The following OSBPL3 variants were observed in gnomAD, a reference collection of about 807,000 sequenced individuals.
OSBPL3 encodes oxysterol binding protein like 3.
A neutral mutation model predicts 120.1 loss-of-function variants in OSBPL3; 65 were observed. That is an observed-to-expected ratio of 0.54 (90% CI 0.44 to 0.67). The LOEUF is 0.67. Ranked by LOEUF, OSBPL3 falls within the 30% of genes least tolerant of loss-of-function variation. The pLI, the probability that OSBPL3 is intolerant of heterozygous loss-of-function variation, is 0.00. For synonymous variants in OSBPL3, 416 were observed against 402.6 expected (o/e 1.03, Z -0.40); for missense variants, 1,004 against 1,082.1 (o/e 0.93, Z 1.01).
At position 24,824,483 on chromosome 7, in the gene OSBPL3, C is replaced by T. The variant is rs1433159108; in HGVS notation, c.1885-4245G>A. Among the ~76,000 whole-genome samples the T allele has an allele frequency of 6.6e-6, 1 of 152,138 alleles. No individual in the cohort carries two copies. The highest frequency in any genetic ancestry group is 2.4e-5 in the African/African-American group (1 of 41,422). ...GCAACTGCTCCAAGGCATAACTATC[C>T]AGTCCTCCTAGGTCCTGATTTCCCT... On this transcript the variant is annotated intron_variant, in intron 16 of 22. Transcript: ENST00000313367. The surrounding 1 kb of genome is among the most constrained non-coding windows in gnomAD (Gnocchi z 4.9).
intron 2 of OSBPL3, among the ~76,000 whole-genome samples, chr7:24,884,560 C>A (rs1291683830): frequency 6.6e-6 from 1 of 152,276 alleles, no homozygotes; most frequent in South Asian, 2.1e-4. Context: ...ACCCACCTCC[C>A]AGCTGAAAAG....
chr7:24,807,323 T>C (rs1793180665), intron 20 of OSBPL3, among the ~76,000 whole-genome samples: 1 of 151,822 alleles, frequency 6.6e-6, no homozygotes, highest in Non-Finnish European at 1.5e-5. Flanking sequence ...CGAAACACCA[T>C]CTCTACTAAA....
At chr7:24,924,429 G>GT (rs751212833) in intron 1 of OSBPL3, among the ~76,000 whole-genome samples, 36 of 152,168 alleles carry the variant, frequency 2.4e-4, no homozygotes, top group Non-Finnish European at 4.9e-4. Context: ...CGAAAAAGTA[G>GT]TAAGAGTCTA....
At chr7:24,829,296 T>C (rs904282601) in intron 16 of OSBPL3, among the ~76,000 whole-genome samples, 2 of 152,240 alleles carry the variant, frequency 1.3e-5, no homozygotes, top group African/African-American at 4.8e-5. Flanking sequence ...CAGATTATCT[T>C]ATCCCCTTTA....
At position 24,867,033 on chromosome 7, in the gene OSBPL3, C is replaced by T. The variant is rs1801423359; in HGVS notation, c.382-796G>A. 1.3e-5 allele frequency among the ~76,000 whole-genome samples: 2 copies of T among 152,196 alleles called. No homozygotes were observed. The highest frequency in any genetic ancestry group is 1.3e-4 in the Admixed American group (2 of 15,280). On this transcript the variant is annotated intron_variant, in intron 5 of 22. Transcript: ENST00000313367. The surrounding 1 kb of genome is among the most constrained non-coding windows in gnomAD (Gnocchi z 4.5). Reference sequence around the variant, plus strand: ...GCCAGGCTGGTCTCGAACTCCTGACCTGGTGATCTGCCCGCCTCGGCCTCC... The same window carrying T: ...GCCAGGCTGGTCTCGAACTCCTGACTTGGTGATCTGCCCGCCTCGGCCTCC...
At chr7:24,801,232 A>G (rs1792301480) in intron 22 of OSBPL3, among the ~76,000 whole-genome samples, 1 of 135,140 alleles carries the variant, frequency 7.4e-6, no homozygotes. Context: ...AGACAGAGCA[A>G]GACTCCTTCT....
At position 24,871,707 on chromosome 7, in the gene OSBPL3, C is replaced by T; in HGVS notation, c.267+35G>A. 10 of 1,540,872 alleles carry T rather than the reference C, an allele frequency of 6.5e-6. No homozygotes were observed. The highest frequency in any genetic ancestry group is 9.0e-6 in the Non-Finnish European group (10 of 1,114,714). ...AGCTGATGGTTACCCCTTTAGGATT[C>T]TTCAATACCACAGTGGGCCCACAAA... On this transcript the variant is annotated intron_variant, in intron 4 of 22. Transcript: ENST00000313367. This position sits in a 1 kb window ranked among gnomAD's most constrained non-coding sequence, Gnocchi z 4.8.
At position 24,815,145 on chromosome 7, in the gene OSBPL3, C is replaced by T. The variant is rs200402672; in HGVS notation, c.2086G>A (p.Gly696Arg). The T allele has an allele frequency of 1.7e-4, 275 of 1,612,632 alleles. No individual in the cohort carries two copies. Among genetic ancestry groups the T allele is most frequent in the Admixed American group, 2.2e-4 (13 of 59,988 alleles). Residue 696 changes from glycine to arginine, a missense_variant, in exon 19 of 23, where the codon GGG becomes AGG. Gly to Arg is a moderately radical substitution (Grantham distance 125). This residue lies in a region of OSBPL3 where 473 missense variants were observed against 568.0 expected (regional missense o/e 0.83). Coordinates refer to ENST00000313367, the MANE Select transcript of OSBPL3 (RefSeq NM_015550.4). This position sits in a 1 kb window ranked among gnomAD's most constrained non-coding sequence, Gnocchi z 5.1. ...VTSCIHNILS[G>R]QRWIEHYGEI... ...CCATAGTGCTCAATCCACCTCTGCC[C>T]GCTTAAGATGTTATGGATGCAAGAG... is the stretch of plus-strand genomic sequence containing the variant.
In OSBPL3 at chr7:24,820,926, T is replaced by C. The variant is rs1054114250; in HGVS notation, c.1885-688A>G. On this transcript the variant is annotated intron_variant, in intron 16 of 22. Transcript: ENST00000313367. The surrounding 1 kb of genome is among the most constrained non-coding windows in gnomAD (Gnocchi z 4.6). Reference sequence around the variant, plus strand: ...TATCTTAAGCAAATAAGTAATCTCATTCCAGAAAAGAGAATCCCCTGGAGC... The same window carrying C: ...TATCTTAAGCAAATAAGTAATCTCACTCCAGAAAAGAGAATCCCCTGGAGC... 5.9e-5 allele frequency among the ~76,000 whole-genome samples: 9 copies of C among 152,226 alleles called. No individual in the cohort carries two copies. Among genetic ancestry groups the C allele is most frequent in the African/African-American group, 2.2e-4 (9 of 41,462 alleles).
In OSBPL3 at chr7:24,818,681, A is replaced by C. The variant is rs2128136056; in HGVS notation, c.1948+1494T>G. Reference sequence around the variant, plus strand: ...CGGAGAACAAAGAACAGATGTGACAAACAGAAAAGAAACATCATGAGGGCA... The same window carrying C: ...CGGAGAACAAAGAACAGATGTGACACACAGAAAAGAAACATCATGAGGGCA... On this transcript the variant is annotated intron_variant, in intron 17 of 22. Coordinates refer to ENST00000313367, the MANE Select transcript of OSBPL3 (RefSeq NM_015550.4). This position sits in a 1 kb window ranked among gnomAD's most constrained non-coding sequence, Gnocchi z 4.0. Among the ~76,000 whole-genome samples, 1 of 152,338 alleles carries C rather than the reference A, an allele frequency of 6.6e-6. No homozygotes were observed. The highest frequency in any genetic ancestry group is 2.4e-5 in the African/African-American group (1 of 41,580).
chr7:24,943,899 T>C (rs1813387648), intron 1 of OSBPL3, among the ~76,000 whole-genome samples: 1 of 152,156 alleles, frequency 6.6e-6, no homozygotes, highest in Non-Finnish European at 1.5e-5. Flanking sequence ...AGTCAATTTG[T>C]GAAATTTACT....
At chr7:24,917,432 AAC>A (rs1434329775) in intron 1 of OSBPL3, among the ~76,000 whole-genome samples, 2 of 124,090 alleles carry the variant, frequency 1.6e-5, no homozygotes, top group Admixed American at 8.2e-5. Flanking sequence ...ATATATTTGT[AAC>A]ATATATATAT....
Position 24,863,519 on chromosome 7 carries a change from C to T in OSBPL3, c.754G>A (p.Ala252Thr). The stretch of plus-strand genomic sequence containing the variant: ...ACCTGGATGGCGTTGATAGCTGGTG[C>T]CGAGTATGTCCGATGCAGGACGTCC... ...SMDVLHRTYS[A>T]PAINAIQGGS... The change falls in exon 8 of 23, where the codon GCA (alanine) becomes ACA (threonine). Residue 252 changes from alanine to threonine, a missense_variant. By Grantham distance (58) the Ala-to-Thr change is moderately conservative. Coordinates refer to ENST00000313367, the MANE Select transcript of OSBPL3 (RefSeq NM_015550.4). This position sits in a 1 kb window ranked among gnomAD's most constrained non-coding sequence, Gnocchi z 5.8. 1.2e-6 allele frequency: 2 copies of T among 1,613,824 alleles called. No individual in the cohort carries two copies. The highest frequency in any genetic ancestry group is 1.7e-6 in the Non-Finnish European group (2 of 1,179,756).
intron 1 of OSBPL3, among the ~76,000 whole-genome samples, chr7:24,907,399 G>C (rs1002107769): frequency 6.6e-6 from 1 of 152,228 alleles, no homozygotes; most frequent in Non-Finnish European, 1.5e-5. Flanking sequence ...GCTTCGTCAT[G>C]TGAAAGCAGG....
chr7:24,818,225 CTG>C lies in OSBPL3; in HGVS notation c.1949-1539_1949-1538del, dbSNP rs1794707029. Among the ~76,000 whole-genome samples, 1 of 152,236 alleles carries C rather than the reference CTG, an allele frequency of 6.6e-6. No individual in the cohort carries two copies. Among genetic ancestry groups the C allele is most frequent in the East Asian group, 1.9e-4 (1 of 5,188 alleles). ...AGTGATGAAAATGTTCTAAAATTAA[CTG>C]TGCTGATAACTGCACAGTTTATTAA... On this transcript the variant is annotated intron_variant, in intron 17 of 22. Coordinates refer to ENST00000313367, the MANE Select transcript of OSBPL3 (RefSeq NM_015550.4). The surrounding 1 kb of genome is among the most constrained non-coding windows in gnomAD (Gnocchi z 4.0).
chr7:24,927,403 T>C (rs1030165783), intron 1 of OSBPL3, among the ~76,000 whole-genome samples: 2 of 152,222 alleles, frequency 1.3e-5, no homozygotes, highest in African/African-American at 4.8e-5. Flanking sequence ...CTACTCAGTC[T>C]ACAAATCCTC....
intron 12 of OSBPL3, among the ~76,000 whole-genome samples, chr7:24,847,961 T>C (rs1280209036): frequency 6.6e-6 from 1 of 152,218 alleles, no homozygotes; most frequent in African/African-American, 2.4e-5. Context: ...TATAAAAGAA[T>C]GTCATACTTA....
At chr7:24,841,717 A>AAAATAG (rs1554358561) in intron 13 of OSBPL3, among the ~76,000 whole-genome samples, 2 of 82,792 alleles carry the variant, frequency 2.4e-5, no homozygotes, top group Admixed American at 1.5e-4. Context: ...AAAAAAAAAA[A>AAAATAG]AAAAGAGGCC....
Position 24,815,284 on chromosome 7 carries a change from A to G in OSBPL3, c.2028-81T>C, listed in dbSNP as rs1054889543. 4 of 1,145,746 alleles carry G rather than the reference A, an allele frequency of 3.5e-6. No homozygotes were observed. Among genetic ancestry groups the G allele is most frequent in the East Asian group, 2.3e-5 (1 of 42,600 alleles). 71.0% of individuals were successfully genotyped at this position (1,145,746 alleles called of 1,614,324 possible). A position where few individuals can be genotyped will look rare whatever the true frequency, so the allele number is the denominator to read the frequency against. ...CAAACAAACTCTGCTCTTTTATAAA[A>G]TAAGTCATGCAATGCATTATTCATC... On this transcript the variant is annotated intron_variant, in intron 18 of 22. Transcript: ENST00000313367. The surrounding 1 kb of genome is among the most constrained non-coding windows in gnomAD (Gnocchi z 5.1).
Sources: allele counts gnomAD v4.1 joint callset (sites outside exome capture counted in the v4.1 genomes callset), GRCh38; gene constraint gnomAD v4.1.1; regional missense constraint gnomAD v4.1.1; non-coding constraint Gnocchi (gnomAD v3.1); transcripts MANE v1.5; gene names NCBI Gene and HGNC (gene_info 2026-07-23, HGNC 2026-07-21).